PCDHGB1: variants seen among roughly 807,000 people sequenced by gnomAD.
PCDHGB1 encodes the protein protocadherin gamma subfamily B, 1.
A neutral mutation model predicts 56.6 loss-of-function variants in PCDHGB1; 34 were observed. That is an observed-to-expected ratio of 0.60 (90% CI 0.46 to 0.80). The LOEUF (loss-of-function observed/expected upper bound fraction) is 0.80, where lower values mean the gene tolerates loss of function less well. PCDHGB1 is among the 30% of genes least tolerant of loss of function. The probability of loss-of-function intolerance (pLI) is 0.00; values close to 1 mark genes in which losing one functional copy is unlikely to be tolerated. For missense variants in PCDHGB1, 1,278 were observed against 1,204.6 expected (o/e 1.06, Z -0.90); for synonymous variants, 561 against 505.9 (o/e 1.11, Z -1.46).
In PCDHGB1 at chr5:141,352,213, C is replaced by A; in HGVS notation, c.1953C>A (p.Ser651=). ...AVRDGGQPPL[S]ATATLHLIFA... ...GTGATGGAGGACAGCCGCCACTCTC[C>A]GCCACCGCCACGCTGCACCTAATCT... Residue 651 remains serine (S), a synonymous_variant, in exon 1 of 4, where the codon TCC becomes TCA. Transcript: ENST00000523390. The A allele has an allele frequency of 1.2e-6, 2 of 1,614,056 alleles. No individual in the cohort carries two copies. Among genetic ancestry groups the A allele is most frequent in the Non-Finnish European group, 1.7e-6 (2 of 1,179,910 alleles).
chr5:141,360,762 A>G (rs917082893), intron 1 of PCDHGB1: 1 of 1,613,952 alleles, frequency 6.2e-7, no homozygotes, highest in Non-Finnish European at 8.5e-7. Context: ...GTTTACATCA[A>G]TTGGTCCTCA....
intron 1 of PCDHGB1, chr5:141,409,940 C>G: frequency 6.2e-7 from 1 of 1,613,236 alleles, no homozygotes. Flanking sequence ...TATGGTACCT[C>G]GCTCTGCAGA....
At chr5:141,355,789 G>A in intron 1 of PCDHGB1, 2 of 1,613,670 alleles carry the variant, frequency 1.2e-6, no homozygotes, top group Non-Finnish European at 1.7e-6. Context: ...GCTGGTGCTG[G>A]AACGCGCTCT....
intron 1 of PCDHGB1, chr5:141,424,529 A>G (rs1308118953): frequency 6.6e-6 from 1 of 152,218 alleles, no homozygotes; most frequent in Non-Finnish European, 1.5e-5. Context: ...AAATCCATAT[A>G]TAGAAATAAC....
At position 141,477,415 on chromosome 5, in the gene PCDHGB1, A is replaced by T. The variant is rs771293212; in HGVS notation, c.2410-17392A>T. On this transcript the variant is annotated intron_variant, in intron 1 of 3. Coordinates refer to ENST00000523390, the MANE Select transcript of PCDHGB1 (RefSeq NM_018922.3). This position sits in a 1 kb window ranked among gnomAD's most constrained non-coding sequence, Gnocchi z 4.9. ...TCAGCATCACCGCCCGAGACGCCGG[A>T]ACCCCTTCCCTCTCAGCCCTTACAA... 12 of 1,614,162 alleles carry T rather than the reference A, an allele frequency of 7.4e-6. No individual in the cohort carries two copies. The highest frequency in any genetic ancestry group is 1.0e-5 in the Non-Finnish European group (12 of 1,180,020).
intron 1 of PCDHGB1, among the ~76,000 whole-genome samples, chr5:141,475,231 G>A (rs1188161872): frequency 6.6e-6 from 1 of 152,190 alleles, no homozygotes; most frequent in Admixed American, 6.5e-5. Flanking sequence ...AAAGGGAAAC[G>A]ATAGAGAGAG....
intron 1 of PCDHGB1, chr5:141,359,986 G>A: frequency 4.4e-6 from 4 of 913,920 alleles, no homozygotes; most frequent in Non-Finnish European, 6.1e-6. Context: ...CTCTTAGAGG[G>A]GAACTTCCTG....
Position 141,464,279 on chromosome 5 carries a change from CA to C in PCDHGB1, c.2410-30517del, listed in dbSNP as rs373828487. Among the ~76,000 whole-genome samples, 143 of 137,732 alleles carry C rather than the reference CA, an allele frequency of 1.0e-3. 2 individuals are homozygous for C. The Middle Eastern group carries it at 0.015, about 15-fold the overall frequency. 90.4% of individuals were successfully genotyped at this position (137,732 alleles called of 152,430 possible). A position where few individuals can be genotyped will look rare whatever the true frequency, so the allele number is the denominator to read the frequency against. The stretch of plus-strand genomic sequence containing the variant: ...GACTCCGTCTAAAAAAAAAAAAAAG[CA>C]AAAAAAAAAACTCCATTGTATGTGC... On this transcript the variant is annotated intron_variant, in intron 1 of 3. Transcript: ENST00000523390.
At chr5:141,384,179 G>A (rs1252177053) in intron 1 of PCDHGB1, 1 of 1,613,830 alleles carries the variant, frequency 6.2e-7, no homozygotes, top group Middle Eastern at 1.6e-4. Flanking sequence ...GCCACAGATG[G>A]TGGAACTCCT....
intron 1 of PCDHGB1, chr5:141,383,343 T>TG (rs760440635): frequency 1.2e-6 from 2 of 1,613,888 alleles, no homozygotes; most frequent in Non-Finnish European, 1.7e-6. Flanking sequence ...ATACAGCTCC[T>TG]GGGGTTCGGT....
In PCDHGB1 at chr5:141,386,024, TG is replaced by T. The variant is rs758923656; in HGVS notation, c.2409+33356del. The T allele has an allele frequency of 2.6e-5, 4 of 152,242 alleles. No homozygotes were observed. The East Asian group carries it at 5.8e-4, about 22-fold the overall frequency. 9.4% of individuals were successfully genotyped at this position (152,242 alleles called of 1,614,324 possible). On this transcript the variant is annotated intron_variant, in intron 1 of 3. Transcript: ENST00000523390. ...CATTTTAAGTGTTGTAATTGGCATTTGTGACATAGGCAATTACATGTTTTAA... is the reference window on the plus strand; with the variant it reads ...CATTTTAAGTGTTGTAATTGGCATTTTGACATAGGCAATTACATGTTTTAA...
intron 1 of PCDHGB1, chr5:141,384,104 A>C: frequency 1.2e-6 from 2 of 1,601,040 alleles, no homozygotes; most frequent in Non-Finnish European, 8.5e-7. Context: ...GATAATTATT[A>C]TAGATTGGTC....
intron 1 of PCDHGB1, chr5:141,364,212 A>G (rs925277605): frequency 8.0e-7 from 1 of 1,252,414 alleles, no homozygotes; most frequent in African/African-American, 1.5e-5. Context: ...ACAAGCTCCT[A>G]CGAAAAGCCA....
intron 3 of PCDHGB1, among the ~76,000 whole-genome samples, chr5:141,509,335 G>C (rs113423267): frequency 6.6e-6 from 1 of 152,144 alleles, no homozygotes; most frequent in African/African-American, 2.4e-5. Context: ...CTGCCAGCTG[G>C]GCCTGGGCTG....
rs1330469043 is a variant in PCDHGB1 at position 141,491,537 on chromosome 5, C to A, written c.2410-3270C>A. On this transcript the variant is annotated intron_variant, in intron 1 of 3. Transcript: ENST00000523390. This position sits in a 1 kb window ranked among gnomAD's most constrained non-coding sequence, Gnocchi z 6.9. ...AAGTACATGGAGGTGACGCTGCGGCCCACAGACTCGCAGAGCCACTGCTAC... is the reference window on the plus strand; with the variant it reads ...AAGTACATGGAGGTGACGCTGCGGCACACAGACTCGCAGAGCCACTGCTAC... The A allele has an allele frequency of 6.2e-7, 1 of 1,613,908 alleles. No homozygotes were observed. Among genetic ancestry groups the A allele is most frequent in the African/African-American group, 1.3e-5 (1 of 74,920 alleles).
chr5:141,427,998 C>T, intron 1 of PCDHGB1: 1 of 1,600,956 alleles, frequency 6.2e-7, no homozygotes, highest in Non-Finnish European at 8.6e-7. Flanking sequence ...TGGCTCCGCA[C>T]TCTTCGATAT....
chr5:141,361,356 C>T lies in PCDHGB1; in HGVS notation c.2409+8687C>T, dbSNP rs546446580. The T allele has an allele frequency of 7.4e-6, 12 of 1,613,984 alleles. 1 individual carries two copies. In the Middle Eastern group the frequency reaches 5.0e-4, roughly 67 times the overall value. On this transcript the variant is annotated intron_variant, in intron 1 of 3. Coordinates refer to ENST00000523390, the MANE Select transcript of PCDHGB1 (RefSeq NM_018922.3). ...AGAACTATTACAAACTAGTGACAGA[C>T]GGCGCTCTGGACCGGGAGGAGATCC...
At chr5:141,427,922 G>T (rs949317839) in intron 1 of PCDHGB1, 2 of 1,580,624 alleles carry the variant, frequency 1.3e-6, no homozygotes, top group African/African-American at 1.3e-5. Context: ...ACATGAGCCG[G>T]CGCATGTTGG....
intron 1 of PCDHGB1, chr5:141,430,789 C>A (rs2097310124): frequency 6.6e-7 from 1 of 1,515,808 alleles, no homozygotes; most frequent in Non-Finnish European, 8.8e-7. Context: ...ACCGGGACTA[C>A]AAAGGGCTTG....
Sources: gnomAD v4.1 joint callset for allele counts (sites outside exome capture counted in the v4.1 genomes callset) on GRCh38, gnomAD v4.1.1 for gene constraint, Gnocchi (gnomAD v3.1) non-coding constraint, MANE v1.5 for transcripts, NCBI Gene and HGNC (gene_info 2026-07-23, HGNC 2026-07-21) for gene names.